Variants in ABR observed in about 807,000 individuals in gnomAD.
ABR encodes active breakpoint cluster region-related protein.
ABR carries 35 observed loss-of-function variants against 107.2 expected under a neutral mutation model. The observed-to-expected ratio is 0.33, with a 90% CI of 0.25 to 0.43. The LOEUF (loss-of-function observed/expected upper bound fraction) is 0.43, where lower values mean the gene tolerates loss of function less well. Ranked by LOEUF, ABR falls within the 20% of genes least tolerant of loss-of-function variation. The pLI, the probability that ABR is intolerant of heterozygous loss-of-function variation, is 1.00. For synonymous variants in ABR, 498 were observed against 462.0 expected (o/e 1.08, Z -1.00); for missense variants, 815 against 1,115.2 (o/e 0.73, Z 3.83).
chr17:1,195,151 C>CA (rs1441193257), intron 1 of ABR, among the ~76,000 whole-genome samples: 11 of 146,402 alleles, frequency 7.5e-5, no homozygotes, highest in African/African-American at 2.7e-4. Context: ...ACTAAAAATA[C>CA]AAAAAATTAG....
intron 1 of ABR, among the ~76,000 whole-genome samples, chr17:1,218,799 C>T (rs1326221275): frequency 1.3e-5 from 2 of 152,114 alleles, no homozygotes; most frequent in East Asian, 3.8e-4. Flanking sequence ...CCAAGATGGG[C>T]CCCCAAGTCC....
intron 2 of ABR, among the ~76,000 whole-genome samples, chr17:1,116,207 G>A (rs996089258): frequency 6.6e-6 from 1 of 152,212 alleles, no homozygotes; most frequent in African/African-American, 2.4e-5. Flanking sequence ...GTGACAGAGG[G>A]AGACGCCATC....
At chr17:1,170,501 A>G (rs2041667486) in intron 1 of ABR, among the ~76,000 whole-genome samples, 2 of 152,160 alleles carry the variant, frequency 1.3e-5, no homozygotes, top group Non-Finnish European at 2.9e-5. Context: ...CAACAGCGTG[A>G]TCTCAGGTCA....
In ABR at chr17:1,028,194, G is replaced by A. The variant is rs563845145; in HGVS notation, c.1792-15030C>T. 3.9e-5 allele frequency among the ~76,000 whole-genome samples: 6 copies of A among 152,026 alleles called. No individual in the cohort carries two copies. In the South Asian group the frequency reaches 6.3e-4, roughly 16 times the overall value. On this transcript the variant is annotated intron_variant, in intron 16 of 22. Transcript: ENST00000302538. ...CAACCTCCACCTCCCAGGTTCAAGC[G>A]ATGCTCCTGCCTCAGCCTCCCTAGC...
chr17:1,063,773 C>T (rs56363453), intron 10 of ABR, among the ~76,000 whole-genome samples: 2,475 of 20,166 alleles, frequency 0.12, no homozygotes, highest in Middle Eastern at 0.31. Context: ...CTAGACACTG[C>T]TGTTATGTGA....
intron 1 of ABR, chr17:1,155,913 C>T (rs2151548922): frequency 7.1e-6 from 1 of 141,246 alleles, no homozygotes; most frequent in African/African-American, 2.6e-5. Context: ...CGAGATTGCG[C>T]CATTGCACTC....
chr17:1,201,454 G>C (rs186586461), intron 1 of ABR, among the ~76,000 whole-genome samples: 11 of 152,166 alleles, frequency 7.2e-5, no homozygotes, highest in Admixed American at 7.2e-4. Context: ...CATCATGCTG[G>C]CTGACTTTTA....
chr17:1,174,603 C>T (rs1253441858), intron 1 of ABR, among the ~76,000 whole-genome samples: 1 of 152,156 alleles, frequency 6.6e-6, no homozygotes, highest in African/African-American at 2.4e-5. Context: ...AATGAAATCG[C>T]CCTTGGAAAT....
intron 1 of ABR, among the ~76,000 whole-genome samples, chr17:1,214,580 T>C (rs2042962663): frequency 6.6e-6 from 1 of 152,052 alleles, no homozygotes; most frequent in Non-Finnish European, 1.5e-5. Flanking sequence ...GGCAGGTAGA[T>C]CACCTGACGT....
At chr17:1,099,795 A>G (rs550109175) in intron 3 of ABR, among the ~76,000 whole-genome samples, 7 of 152,298 alleles carry the variant, frequency 4.6e-5, no homozygotes, top group Non-Finnish European at 8.8e-5. Context: ...CCGAGGGCTG[A>G]GCTTGGCCTG....
At chr17:1,168,346 C>T (rs1038461472) in intron 1 of ABR, among the ~76,000 whole-genome samples, 14 of 152,272 alleles carry the variant, frequency 9.2e-5, no homozygotes, top group African/African-American at 2.9e-4. Context: ...CCGGAGCAAT[C>T]AGCATTAGGG....
intron 16 of ABR, among the ~76,000 whole-genome samples, chr17:1,018,286 C>G (rs1419462898): frequency 6.6e-6 from 1 of 152,136 alleles, no homozygotes; most frequent in Admixed American, 6.5e-5. Flanking sequence ...TCGTGATTCG[C>G]CCACCTCGGC....
intron 16 of ABR, among the ~76,000 whole-genome samples, chr17:1,028,175 C>T (rs1282153879): frequency 1.3e-5 from 2 of 152,164 alleles, no homozygotes; most frequent in Admixed American, 1.3e-4. Flanking sequence ...ACTGCAACCT[C>T]CACCTCCCAG....
intron 16 of ABR, among the ~76,000 whole-genome samples, chr17:1,036,652 G>GTT (rs917615635): frequency 2.6e-5 from 4 of 152,050 alleles, no homozygotes; most frequent in African/African-American, 7.3e-5. Context: ...CGCCCACACA[G>GTT]GGCGTGCGAG....
intron 1 of ABR, among the ~76,000 whole-genome samples, chr17:1,158,992 G>A (rs1246894707): frequency 1.3e-5 from 2 of 151,884 alleles, no homozygotes; most frequent in Non-Finnish European, 2.9e-5. Context: ...GTCCTCTGGC[G>A]ATGAGCAGAG....
intron 21 of ABR, among the ~76,000 whole-genome samples, chr17:1,008,098 C>T (rs576741581): frequency 6.6e-6 from 1 of 151,420 alleles, no homozygotes; most frequent in South Asian, 2.2e-4. Context: ...CTCCGTCTGC[C>T]TCGTGGGACC....
chr17:1,214,632 T>C (rs1385322855), intron 1 of ABR, among the ~76,000 whole-genome samples: 1 of 151,818 alleles, frequency 6.6e-6, no homozygotes, highest in African/African-American at 2.4e-5. Context: ...AGAAACCCCA[T>C]CTCTACTAAA....
intron 3 of ABR, among the ~76,000 whole-genome samples, chr17:1,094,340 G>C (rs181741680): frequency 1.3e-5 from 2 of 152,040 alleles, no homozygotes; most frequent in East Asian, 1.9e-4. Context: ...ATTCCCGTCA[G>C]TGCGTACACG....
chr17:1,028,487 CCTT>C (rs1294166379), intron 16 of ABR, among the ~76,000 whole-genome samples: 5 of 152,144 alleles, frequency 3.3e-5, no homozygotes, highest in African/African-American at 9.7e-5. Context: ...AAGAAAGGGA[CCTT>C]CTTCTAAGAC....
Sources: allele counts gnomAD v4.1 joint callset (sites outside exome capture counted in the v4.1 genomes callset), GRCh38; gene constraint gnomAD v4.1.1; transcripts MANE v1.5; gene names NCBI Gene and HGNC (gene_info 2026-07-23, HGNC 2026-07-21).